GAP43: variants seen among roughly 807,000 people sequenced by gnomAD.
The protein encoded by GAP43 is growth associated protein 43, also known as neuromodulin.
In GAP43, 6 loss-of-function variants were observed where a neutral mutation model predicts 18.6. The ratio of observed to expected loss-of-function variants is 0.32; its 90% CI spans 0.18 to 0.64. The LOEUF (loss-of-function observed/expected upper bound fraction) is 0.64. Among genes scored for constraint, GAP43 ranks in the 30% least tolerant of loss-of-function variants. The pLI is 0.78. For synonymous variants in GAP43, 115 were observed against 111.4 expected (o/e 1.03, Z -0.20); for missense variants, 292 against 295.5 (o/e 0.99, Z 0.09).
chr3:115,655,898 G>C lies in GAP43; in HGVS notation c.31-20115G>C, dbSNP rs1708574194. Among the ~76,000 whole-genome samples, 3 of 152,296 alleles carry C rather than the reference G, an allele frequency of 2.0e-5. No individual in the cohort carries two copies. In the South Asian group the frequency reaches 6.2e-4, roughly 32 times the overall value. On this transcript the variant is annotated intron_variant, in intron 1 of 2. Coordinates refer to ENST00000305124, the MANE Select transcript of GAP43 (RefSeq NM_002045.4). ...ACTGAAATACAACAGGAACAGTCTAGTCTGTTAATCTGGATTTTTCAGGCC... is the reference window on the plus strand; with the variant it reads ...ACTGAAATACAACAGGAACAGTCTACTCTGTTAATCTGGATTTTTCAGGCC...
intron 1 of GAP43, among the ~76,000 whole-genome samples, chr3:115,662,238 C>T (rs979192917): frequency 6.6e-6 from 1 of 152,158 alleles, no homozygotes; most frequent in African/African-American, 2.4e-5. Context: ...CCTGCATACC[C>T]ACTGCACTAT....
rs995501199 is a variant in GAP43 at position 115,655,071 on chromosome 3, G to C, written c.31-20942G>C. 2.0e-5 allele frequency among the ~76,000 whole-genome samples: 3 copies of C among 152,254 alleles called. No homozygotes were observed. The East Asian group carries it at 5.8e-4, about 29-fold the overall frequency. On this transcript the variant is annotated intron_variant, in intron 1 of 2. Transcript: ENST00000305124. ...AATCTTTGATTATAAAGTTTTCCAGGCAAGAAATATGTATGAGTAGAGGGT... is the reference window on the plus strand; with the variant it reads ...AATCTTTGATTATAAAGTTTTCCAGCCAAGAAATATGTATGAGTAGAGGGT...
chr3:115,671,437 C>G (rs890210212), intron 1 of GAP43, among the ~76,000 whole-genome samples: 51 of 152,270 alleles, frequency 3.3e-4, no homozygotes, highest in African/African-American at 1.2e-3. Context: ...CAATATTCAT[C>G]TGAGATTTTA....
At chr3:115,646,235 T>A (rs1708456275) in intron 1 of GAP43, among the ~76,000 whole-genome samples, 1 of 151,712 alleles carries the variant, frequency 6.6e-6, no homozygotes, top group South Asian at 2.1e-4. Context: ...CCTATAAAGA[T>A]TTTTTTTTCC....
chr3:115,676,580 G>A lies in GAP43; in HGVS notation c.598G>A (p.Gly200Arg). 2 of 1,608,292 alleles carry A rather than the reference G, an allele frequency of 1.2e-6. No homozygotes were observed. Among genetic ancestry groups the A allele is most frequent in the South Asian group, 1.1e-5 (1 of 90,628 alleles). The change falls in exon 2 of 3, where the codon GGG becomes AGG. Residue 200 changes from glycine to arginine, a missense_variant. Gly to Arg is a moderately radical substitution (Grantham distance 125). Coordinates refer to ENST00000305124, the MANE Select transcript of GAP43 (RefSeq NM_002045.4). ...AACAGCCCAGCCTCCAACGGAGACT[G>A]GGGAGAGCAGCCAAGCTGAAGAGAA... ...KATAQPPTET[G>R]ESSQAEENIE...
chr3:115,665,430 T>C (rs761749291), intron 1 of GAP43, among the ~76,000 whole-genome samples: 1 of 152,212 alleles, frequency 6.6e-6, no homozygotes, highest in Non-Finnish European at 1.5e-5. Flanking sequence ...GAGGGCTAAG[T>C]TTAAGACCCA....
chr3:115,675,487 T>G (rs1708870049), intron 1 of GAP43, among the ~76,000 whole-genome samples: 1 of 152,038 alleles, frequency 6.6e-6, no homozygotes, highest in Non-Finnish European at 1.5e-5. Flanking sequence ...AGTGGCCAGA[T>G]GCGGTGGCTC....
chr3:115,677,155 G>A (rs988234084), intron 2 of GAP43, among the ~76,000 whole-genome samples: 7 of 152,216 alleles, frequency 4.6e-5, no homozygotes, highest in African/African-American at 1.2e-4. Flanking sequence ...CTCCACCATC[G>A]GTTGGTGAGT....
At chr3:115,629,852 G>T (rs1439793543) in intron 1 of GAP43, among the ~76,000 whole-genome samples, 2 of 152,044 alleles carry the variant, frequency 1.3e-5, no homozygotes, top group African/African-American at 2.4e-5. Flanking sequence ...AGAATCACTA[G>T]GAGATTTTTA....
Position 115,720,869 on chromosome 3 carries a change from A to G in GAP43, c.704A>G (p.Gln235Arg), listed in dbSNP as rs151092135. ...AAAGAAGAGGAACCTGAGGCTGACC[A>G]AGAACATGCCTGAACTCTAAGAAAT... ...EGKEEEPEAD[Q>R]EHA The change falls in exon 3 of 3, where the codon CAA (glutamine) becomes CGA (arginine). Residue 235 changes from glutamine to arginine, a missense_variant. Gln to Arg is a conservative substitution (Grantham distance 43, BLOSUM62 1). Transcript: ENST00000305124. 86 of 1,611,994 alleles carry G rather than the reference A, an allele frequency of 5.3e-5. No homozygotes were observed. The highest frequency in any genetic ancestry group is 7.0e-5 in the Non-Finnish European group (83 of 1,178,506).
intron 2 of GAP43, among the ~76,000 whole-genome samples, chr3:115,685,271 T>C (rs1459403534): frequency 1.3e-5 from 2 of 152,194 alleles, no homozygotes; most frequent in Non-Finnish European, 2.9e-5. Context: ...TGCTCCCTAC[T>C]GAAAGCAGGT....
At chr3:115,715,324 G>C (rs1056073885) in intron 2 of GAP43, among the ~76,000 whole-genome samples, 8 of 152,162 alleles carry the variant, frequency 5.3e-5, no homozygotes, top group Non-Finnish European at 1.2e-4. Flanking sequence ...CATATTCTAC[G>C]CTTCGCCTTG....
intron 2 of GAP43, among the ~76,000 whole-genome samples, chr3:115,702,114 G>A (rs1450911048): frequency 6.6e-6 from 1 of 152,086 alleles, no homozygotes; most frequent in Non-Finnish European, 1.5e-5. Context: ...TTGGAGCCAG[G>A]AATGGAGTCA....
intron 2 of GAP43, among the ~76,000 whole-genome samples, chr3:115,692,155 A>G (rs1709123827): frequency 6.6e-6 from 1 of 152,206 alleles, no homozygotes; most frequent in African/African-American, 2.4e-5. Context: ...CAAAAATATT[A>G]TGATGCACTA....
intron 1 of GAP43, among the ~76,000 whole-genome samples, chr3:115,675,758 C>CAAAA (rs67744380): frequency 5.1e-4 from 26 of 50,550 alleles, no homozygotes; most frequent in Non-Finnish European, 5.9e-4. Context: ...GACTCTATCT[C>CAAAA]AAAAAAAAAA....
At chr3:115,695,317 T>A (rs540862072) in intron 2 of GAP43, among the ~76,000 whole-genome samples, 3 of 152,304 alleles carry the variant, frequency 2.0e-5, no homozygotes, top group African/African-American at 7.2e-5. Flanking sequence ...TTAAAATAGA[T>A]CAACATTTCC....
intron 1 of GAP43, among the ~76,000 whole-genome samples, chr3:115,674,620 TA>T (rs28399384): frequency 2.5e-4 from 38 of 152,330 alleles, no homozygotes; most frequent in African/African-American, 8.7e-4. Flanking sequence ...ACTTAGTTAA[TA>T]TAAGTTGCTT....
At chr3:115,667,724 G>A (rs12488667) in intron 1 of GAP43, among the ~76,000 whole-genome samples, 2 of 152,004 alleles carry the variant, frequency 1.3e-5, no homozygotes, top group Non-Finnish European at 2.9e-5. Context: ...ACAGGGGTTT[G>A]TCTGCTGGTA....
chr3:115,660,019 G>A (rs967669622), intron 1 of GAP43, among the ~76,000 whole-genome samples: 3 of 152,180 alleles, frequency 2.0e-5, no homozygotes, highest in African/African-American at 4.8e-5. Context: ...TTTCATCGCA[G>A]AGGCTTTGGG....
Sources: gnomAD v4.1 joint callset for allele counts (sites outside exome capture counted in the v4.1 genomes callset) on GRCh38, gnomAD v4.1.1 for gene constraint, MANE v1.5 for transcripts, NCBI Gene and HGNC (gene_info 2026-07-23, HGNC 2026-07-21) for gene names.